Variants in BDP1 observed in about 807,000 individuals in gnomAD.
BDP1 encodes transcription factor TFIIIB component B'' homolog.
Under a neutral mutation model 266.6 loss-of-function variants are expected in BDP1, and 169 were observed. That is an observed-to-expected ratio of 0.63 (90% CI 0.56 to 0.72). The LOEUF is 0.72. Ranked by LOEUF, BDP1 falls within the 30% of genes least tolerant of loss-of-function variation. BDP1 has a pLI of 0.00. For synonymous variants in BDP1, 1,090 were observed against 1,022.4 expected, an observed-to-expected ratio of 1.07 and a Z score of -1.26; for missense variants, 3,015 against 3,053.8, an observed-to-expected ratio of 0.99 and a Z score of 0.30.
At position 71,455,897 on chromosome 5, in the gene BDP1, T is replaced by G. The variant is rs1226325045; in HGVS notation, c.20T>G (p.Leu7Arg). 1.3e-6 allele frequency: 2 copies of G among 1,598,756 alleles called. No individual in the cohort carries two copies. Among genetic ancestry groups the G allele is most frequent in the Non-Finnish European group, 1.7e-6 (2 of 1,173,026 alleles). MFRRAR[L>R]SVKPNVRPGV... ...TCCGCCATGTTCCGCAGGGCACGCC[T>G]TAGCGTGAAGCCGAATGTCAGGCCT... is the stretch of plus-strand genomic sequence containing the variant. The change falls in exon 1 of 39, where the codon CTT becomes CGT. Residue 7 changes from leucine (L) to arginine (R), a missense_variant. Transcript: ENST00000358731.
At chr5:71,461,722 T>TA (rs899560360) in intron 2 of BDP1, 95 bp from the exon 3 acceptor site, 11 of 665,896 alleles carry the variant, frequency 1.7e-5, no homozygotes, top group Non-Finnish European at 2.9e-5. Flanking sequence ...TTAAAGCACT[T>TA]ACAGTGAACG....
chr5:71,523,864 C>G (rs962675506), intron 24 of BDP1, 75 bp from the exon 25 acceptor site: 20 of 1,393,714 alleles, frequency 1.4e-5, no homozygotes, highest in Non-Finnish European at 3.9e-6. Context: ...TGGAATTTCA[C>G]TCTAAAAGTT....
In BDP1 at chr5:71,510,514, T is replaced by A; in HGVS notation, c.3422T>A (p.Ile1141Lys). Residue 1141 changes from isoleucine to lysine, a missense_variant, in exon 17 of 39, where the codon ATA becomes AAA. Ile to Lys is a moderately radical substitution (Grantham distance 102). Transcript: ENST00000358731. ...TPEVIDATEE[I>K]DKDLEETGRR... ...GAGGTGATTGATGCCACTGAGGAAA[T>A]AGACAAAGATCTGGAAGAAACTGGA... The A allele has an allele frequency of 6.2e-7, 1 of 1,613,106 alleles. No homozygotes were observed. The highest frequency in any genetic ancestry group is 8.5e-7 in the Non-Finnish European group (1 of 1,179,852).
rs74290452 is a variant in BDP1, at chr5:71,545,809, C to T, written c.6744+590C>T. Reference sequence around the variant, plus strand: ...GTGTGTGTAAAGAACAGGTGTGGACCGGTTGCAGTGGCTCACACTTTTAAT... The same window carrying T: ...GTGTGTGTAAAGAACAGGTGTGGACTGGTTGCAGTGGCTCACACTTTTAAT... On this transcript the variant is annotated intron_variant, in intron 32 of 38. Coordinates refer to ENST00000358731, the MANE Select transcript of BDP1 (RefSeq NM_018429.3). Among the ~76,000 whole-genome samples, 45 of 150,976 alleles carry T rather than the reference C, an allele frequency of 3.0e-4. No individual in the cohort carries two copies. In the East Asian group the frequency reaches 7.0e-3, roughly 23 times the overall value.
At chr5:71,456,647 A>G (rs1393446078) in intron 1 of BDP1, among the ~76,000 whole-genome samples, 1 of 152,202 alleles carries the variant, frequency 6.6e-6, no homozygotes, top group Non-Finnish European at 1.5e-5. Context: ...TTTAGTCTAC[A>G]GGTAAACTTT....
chr5:71,504,712 T>C lies in BDP1; in HGVS notation c.2333T>C (p.Val778Ala). The part of the protein sequence containing the change: ...QPEKNDSFQN[V>A]QPDEPKVLNE... ...GAGAAAAATGATTCTTTTCAAAATG[T>C]GCAGCCAGATGAGCCCAAGGTTCTT... Residue 778 changes from valine (V) to alanine (A), a missense_variant, in exon 16 of 39, where the codon GTG (valine) becomes GCG (alanine). This residue lies in a region of BDP1 where 2,383 missense variants were observed against 2,404.9 expected (regional missense o/e 0.99). Transcript: ENST00000358731. 1 of 1,613,690 alleles carries C rather than the reference T, an allele frequency of 6.2e-7. No homozygotes were observed. The highest frequency in any genetic ancestry group is 8.5e-7 in the Non-Finnish European group (1 of 1,179,710).
At position 71,470,378 on chromosome 5, in the gene BDP1, A is replaced by G; in HGVS notation, c.920-17A>G. 2 of 1,521,924 alleles carry G rather than the reference A, an allele frequency of 1.3e-6. No homozygotes were observed. The highest frequency in any genetic ancestry group is 1.8e-6 in the Non-Finnish European group (2 of 1,103,140). The allele number at this position is 1,521,924 out of a possible 1,614,324, so 94.3% of individuals were successfully genotyped here. ...TATAATTAATTTTCAATCATTCTAAATCTTTTATTTTCACAGAAACAGATA... is the reference window on the plus strand; with the variant it reads ...TATAATTAATTTTCAATCATTCTAAGTCTTTTATTTTCACAGAAACAGATA... On this transcript the variant is annotated splice_polypyrimidine_tract_variant and intron_variant, in intron 6 of 38. Coordinates refer to ENST00000358731, the MANE Select transcript of BDP1 (RefSeq NM_018429.3).
rs1473878187 is a variant in BDP1, at chr5:71,513,405, CAT to C, written c.4469_4470del (p.His1490ArgfsTer2). ...ACAAACTGATACTCTCCCTTCTCAA[CAT>C]GTGAGTGTATTTGAGATGGAAGTTC... ...NEQTDTLPSQHDEASLMISRE... is the reference protein window; with the variant it reads ...NEQTDTLPSQXDEASLMISRE... On this transcript the variant is annotated frameshift_variant and splice_region_variant, in exon 19 of 39. Transcript: ENST00000358731. LOFTEE classifies it high-confidence loss of function. The C allele has an allele frequency of 6.5e-7, 1 of 1,529,654 alleles. No homozygotes were observed. Among genetic ancestry groups the C allele is most frequent in the Non-Finnish European group, 8.8e-7 (1 of 1,131,328 alleles). The allele number at this position is 1,529,654 out of a possible 1,614,324, so 94.8% of individuals were successfully genotyped here.
intron 2 of BDP1, among the ~76,000 whole-genome samples, chr5:71,461,340 T>G (rs1761548030): frequency 6.6e-6 from 1 of 151,798 alleles, no homozygotes; most frequent in Non-Finnish European, 1.5e-5. Context: ...ACTGCCTGGG[T>G]GTGTGGTTCA....
intron 7 of BDP1, among the ~76,000 whole-genome samples, chr5:71,474,328 AT>A (rs1324096723): frequency 1.2e-3 from 157 of 127,252 alleles, no homozygotes; most frequent in East Asian, 1.7e-3. Context: ...ACAAATTTTG[AT>A]TTTTTTTTTT....
At chr5:71,543,282 AAAAAAAGAAAAAAG>A (rs555218385) in intron 30 of BDP1, among the ~76,000 whole-genome samples, 1 of 152,098 alleles carries the variant, frequency 6.6e-6, no homozygotes, top group Non-Finnish European at 1.5e-5. Flanking sequence ...ACTTCATCTC[AAAAAAAGAAAAAAG>A]AAAAAAGAAA....
At chr5:71,543,853 A>C (rs945635039) in intron 30 of BDP1, among the ~76,000 whole-genome samples, 1 of 152,216 alleles carries the variant, frequency 6.6e-6, no homozygotes, top group African/African-American at 2.4e-5. Flanking sequence ...TATTCACAAT[A>C]TTGCACTAAA....
At chr5:71,496,391 T>C (rs1763894315) in intron 12 of BDP1, among the ~76,000 whole-genome samples, 1 of 151,950 alleles carries the variant, frequency 6.6e-6, no homozygotes, top group Non-Finnish European at 1.5e-5. Flanking sequence ...TAAAAAGGTA[T>C]GATTGAGCTC....
chr5:71,483,736 G>C, intron 7 of BDP1, 106 bp from the exon 8 acceptor site: 2 of 788,656 alleles, frequency 2.5e-6, no homozygotes, highest in East Asian at 2.6e-5. Context: ...ATTAAGTAGA[G>C]AGCAGTATGT....
At chr5:71,463,477 T>C (rs1438481516) in intron 3 of BDP1, among the ~76,000 whole-genome samples, 1 of 152,176 alleles carries the variant, frequency 6.6e-6, no homozygotes, top group Admixed American at 6.5e-5. Context: ...CTAAGTAAGC[T>C]GCTTCATGCC....
intron 25 of BDP1, among the ~76,000 whole-genome samples, chr5:71,526,279 G>GCAGT (rs56935164): frequency 6.6e-6 from 1 of 151,882 alleles, no homozygotes. Context: ...AAACATTTTG[G>GCAGT]TGTTTTCTGG....
chr5:71,527,674 A>G (rs572545201), intron 25 of BDP1, among the ~76,000 whole-genome samples: 67 of 152,296 alleles, frequency 4.4e-4, no homozygotes, highest in Middle Eastern at 3.4e-3. Flanking sequence ...ATCAATGGAC[A>G]CTTGGGTTGC....
At chr5:71,546,478 C>A (rs1010583157) in intron 32 of BDP1, among the ~76,000 whole-genome samples, 51 of 151,660 alleles carry the variant, frequency 3.4e-4, no homozygotes, top group African/African-American at 1.2e-3. Flanking sequence ...ATTAGCCAGT[C>A]GTGGTGGCAT....
chr5:71,478,802 G>A (rs1341230553), intron 7 of BDP1, among the ~76,000 whole-genome samples: 2 of 151,726 alleles, frequency 1.3e-5, no homozygotes, highest in Admixed American at 6.6e-5. Context: ...TAATCCTCTC[G>A]TTCTGGAACT....
Sources: allele counts gnomAD v4.1 joint callset (sites outside exome capture counted in the v4.1 genomes callset), GRCh38; gene constraint gnomAD v4.1.1; regional missense constraint gnomAD v4.1.1; transcripts MANE v1.5; gene names NCBI Gene and HGNC (gene_info 2026-07-23, HGNC 2026-07-21).